Variants in FILIP1L observed in about 807,000 individuals in gnomAD.
FILIP1L encodes filamin A-interacting protein 1-like.
Under a neutral mutation model 96.6 loss-of-function variants are expected in FILIP1L, and 55 were observed. That is an observed-to-expected ratio of 0.57 (90% confidence interval 0.46 to 0.71). The LOEUF is 0.71. Ranked by LOEUF, FILIP1L falls within the 30% of genes least tolerant of loss-of-function variation. The pLI is 0.00. For missense variants in FILIP1L, 1,304 were observed against 1,321.2 expected (o/e 0.99, Z 0.20); for synonymous variants, 467 against 473.9 (o/e 0.99, Z 0.19).
intron 4 of FILIP1L, among the ~76,000 whole-genome samples, chr3:99,890,387 T>C (rs898806631): frequency 6.6e-6 from 1 of 152,176 alleles, no homozygotes; most frequent in African/African-American, 2.4e-5. Flanking sequence ...GTCTGTAGAT[T>C]AGTGTCTTTC....
chr3:99,921,722 C>T (rs918170824), intron 4 of FILIP1L, among the ~76,000 whole-genome samples: 1 of 152,152 alleles, frequency 6.6e-6, no homozygotes, highest in African/African-American at 2.4e-5. Context: ...ACTTTATATC[C>T]TATAAAGCTA....
chr3:100,026,049 A>G (rs1333118241), intron 1 of FILIP1L, among the ~76,000 whole-genome samples: 2 of 152,138 alleles, frequency 1.3e-5, no homozygotes, highest in African/African-American at 2.4e-5. Context: ...ATTTAGACTT[A>G]ATGAAATCAG....
At chr3:100,050,287 C>G (rs1215768060) in intron 1 of FILIP1L, among the ~76,000 whole-genome samples, 1 of 152,088 alleles carries the variant, frequency 6.6e-6, no homozygotes, top group Non-Finnish European at 1.5e-5. Flanking sequence ...TTTAAATGTG[C>G]CCTCTAATGA....
rs144837453 is a variant in FILIP1L, at chr3:99,974,448, G to T, written c.-10-43418C>A. On this transcript the variant is annotated intron_variant, in intron 1 of 5. Transcript: ENST00000477258. ...ATTTGGGCTGGGCGCAGTGGCTCAC[G>T]CCTGTAATCACAGCACTTTGGGAGG... Among the ~76,000 whole-genome samples the T allele has an allele frequency of 1.1e-4, 16 of 152,230 alleles. No homozygotes were observed. In the East Asian group the frequency reaches 3.1e-3, roughly 29 times the overall value.
intron 4 of FILIP1L, among the ~76,000 whole-genome samples, chr3:99,893,216 A>G (rs1240801584): frequency 1.5e-5 from 2 of 133,044 alleles, no homozygotes; most frequent in African/African-American, 5.8e-5. Flanking sequence ...CCCAGGCTGG[A>G]GTGCAGTGGC....
intron 1 of FILIP1L, among the ~76,000 whole-genome samples, chr3:99,948,396 G>T (rs548502790): frequency 6.6e-6 from 1 of 151,790 alleles, no homozygotes; most frequent in African/African-American, 2.4e-5. Flanking sequence ...AAATTAGCTC[G>T]GTAGGGTGAT....
intron 4 of FILIP1L, among the ~76,000 whole-genome samples, chr3:99,872,888 G>A (rs149097007): frequency 6.6e-6 from 1 of 151,872 alleles, no homozygotes; most frequent in East Asian, 1.9e-4. Context: ...CGATGTTAGT[G>A]CAGATGAAGG....
chr3:100,103,168 CTG>C (rs2066337707), intron 1 of FILIP1L, among the ~76,000 whole-genome samples: 1 of 152,180 alleles, frequency 6.6e-6, no homozygotes, highest in Non-Finnish European at 1.5e-5. Flanking sequence ...TAATAGGAAA[CTG>C]GTGATTTGAA....
At chr3:99,872,887 T>C (rs1705304882) in intron 4 of FILIP1L, among the ~76,000 whole-genome samples, 1 of 151,756 alleles carries the variant, frequency 6.6e-6, no homozygotes, top group Admixed American at 6.6e-5. Flanking sequence ...ACGATGTTAG[T>C]GCAGATGAAG....
rs987765969 is a variant in FILIP1L, at chr3:99,978,630, C to T, written c.-10-47600G>A. On this transcript the variant is annotated intron_variant, in intron 1 of 5. Coordinates refer to ENST00000477258, the MANE Select transcript of FILIP1L (RefSeq NM_001387850.1). ...GGAGTAGAGGCTGGGCACCAGGGCT[C>T]TCCCCTGTAATCCCAGGACTTTGGG... Among the ~76,000 whole-genome samples the T allele has an allele frequency of 5.3e-5, 8 of 152,156 alleles. No homozygotes were observed. In the East Asian group the frequency reaches 1.5e-3, roughly 29 times the overall value.
At chr3:99,897,196 T>C (rs765590422) in intron 4 of FILIP1L, among the ~76,000 whole-genome samples, 1 of 151,988 alleles carries the variant, frequency 6.6e-6, no homozygotes, top group Non-Finnish European at 1.5e-5. Context: ...CAATCTCTAC[T>C]AAAAATACAA....
rs1338583214 is a variant in FILIP1L at position 99,854,727 on chromosome 3, G to T, written c.606-3657C>A. On this transcript the variant is annotated intron_variant, in intron 4 of 5. Transcript: ENST00000477258. The stretch of plus-strand genomic sequence containing the variant: ...AGTTGAGAACTACTGATCTATGCAT[G>T]TGTATGTTTGTGGCATGTGTGTATG... 7.2e-5 allele frequency among the ~76,000 whole-genome samples: 11 copies of T among 152,278 alleles called. 1 individual carries two copies. Among genetic ancestry groups the T allele is most frequent in the African/African-American group, 2.4e-4 (10 of 41,548 alleles).
At chr3:99,856,786 T>TA (rs1235044326) in intron 4 of FILIP1L, among the ~76,000 whole-genome samples, 1 of 152,206 alleles carries the variant, frequency 6.6e-6, no homozygotes, top group Non-Finnish European at 1.5e-5. Flanking sequence ...ACACATATAA[T>TA]ATATGTCAGC....
At chr3:99,935,355 T>C (rs1707630067) in intron 1 of FILIP1L, among the ~76,000 whole-genome samples, 1 of 152,170 alleles carries the variant, frequency 6.6e-6, no homozygotes, top group Admixed American at 6.5e-5. Context: ...CTAGTGAGTT[T>C]ACAAGGGAAA....
intron 3 of FILIP1L, among the ~76,000 whole-genome samples, 197 bp from the exon 4 acceptor site, chr3:99,924,605 G>C (rs1370352641): frequency 6.6e-6 from 1 of 152,100 alleles, no homozygotes; most frequent in African/African-American, 2.4e-5. Context: ...TGCAACTTCC[G>C]CCTCCCGGGT....
intron 1 of FILIP1L, among the ~76,000 whole-genome samples, chr3:100,017,824 C>T (rs1183604952): frequency 3.9e-5 from 6 of 152,138 alleles, no homozygotes; most frequent in Admixed American, 3.9e-4. Context: ...GTTTTCAGGT[C>T]TTCAGATCCA....
chr3:100,096,014 T>C (rs1239373611), intron 1 of FILIP1L, among the ~76,000 whole-genome samples: 1 of 152,146 alleles, frequency 6.6e-6, no homozygotes, highest in Non-Finnish European at 1.5e-5. Context: ...AACAGGCATA[T>C]GAAAAGGTGC....
chr3:99,947,886 A>AT (rs199818049), intron 1 of FILIP1L, among the ~76,000 whole-genome samples: 3,689 of 152,180 alleles, frequency 0.024, 83 homozygotes, highest in East Asian at 0.13. Context: ...TTATTTGCAC[A>AT]TTTTTTCCTT....
At chr3:99,876,098 G>GGGGGCCGGGCC (rs1179367255) in intron 4 of FILIP1L, 38 of 986,126 alleles carry the variant, frequency 3.9e-5, no homozygotes, top group Admixed American at 6.1e-5. Context: ...GGGGCCGGGC[G>GGGGGCCGGGCC]GGGGCCGGGC....
Sources: gnomAD v4.1 joint callset for allele counts (sites outside exome capture counted in the v4.1 genomes callset) on GRCh38, gnomAD v4.1.1 for gene constraint, MANE v1.5 for transcripts, NCBI Gene and HGNC (gene_info 2026-07-23, HGNC 2026-07-21) for gene names.